GUCY1B1: variants seen among roughly 807,000 people sequenced by gnomAD.
The protein encoded by GUCY1B1 is guanylate cyclase 1 soluble subunit beta 1.
Under a neutral mutation model 71.0 loss-of-function variants are expected in GUCY1B1, and 43 were observed. That is an observed-to-expected ratio of 0.61 (90% CI 0.47 to 0.78). GUCY1B1 has a LOEUF of 0.78. GUCY1B1 is among the 30% of genes least tolerant of loss of function. GUCY1B1 has a pLI of 0.00. For synonymous variants in GUCY1B1, 266 were observed against 259.7 expected (o/e 1.02, Z -0.23); for missense variants, 535 against 754.1 (o/e 0.71, Z 3.40).
intron 2 of GUCY1B1, among the ~76,000 whole-genome samples, chr4:155,769,603 C>T (rs1172118157): frequency 6.6e-6 from 1 of 152,034 alleles, no homozygotes; most frequent in Non-Finnish European, 1.5e-5. Flanking sequence ...GACTGTAATA[C>T]AAACTAGGAG....
At chr4:155,793,829 C>A in intron 5 of GUCY1B1, 27 bp from the exon 6 acceptor site, 1 of 969,248 alleles carries the variant, frequency 1.0e-6, no homozygotes. Flanking sequence ...GAAGACAATT[C>A]ATGCCATTTC....
intron 2 of GUCY1B1, among the ~76,000 whole-genome samples, chr4:155,769,527 A>G (rs1737558082): frequency 6.6e-6 from 1 of 152,182 alleles, no homozygotes; most frequent in Non-Finnish European, 1.5e-5. Flanking sequence ...AAATAGTGAA[A>G]GACTATGTTC....
chr4:155,802,435 C>A lies in GUCY1B1; in HGVS notation c.1269C>A (p.Leu423=). 1 of 1,613,836 alleles carries A rather than the reference C, an allele frequency of 6.2e-7. No homozygotes were observed. The highest frequency in any genetic ancestry group is 8.5e-7 in the Non-Finnish European group (1 of 1,179,784). The change falls in exon 10 of 14, where the codon CTC becomes CTA. Residue 423 remains leucine (L), a synonymous_variant. Transcript: ENST00000264424. The surrounding 1 kb of genome is among the most constrained non-coding windows in gnomAD (Gnocchi z 4.3). ...PAKRYDNVTI[L]FSGIVGFNAF... ...AAAGATATGACAATGTGACCATCCT[C>A]TTTAGTGGCATTGTGGGCTTCAATG...
chr4:155,780,353 A>G (rs1738330826), intron 4 of GUCY1B1, among the ~76,000 whole-genome samples: 1 of 152,230 alleles, frequency 6.6e-6, no homozygotes, highest in East Asian at 1.9e-4. Flanking sequence ...GATAAATTCT[A>G]TTAATTCTGC....
intron 3 of GUCY1B1, 42 bp from the exon 4 acceptor site, chr4:155,777,482 C>G: frequency 1.0e-6 from 1 of 956,468 alleles, no homozygotes; most frequent in Non-Finnish European, 1.7e-6. Flanking sequence ...CAATATTTCA[C>G]CTATTATATG....
chr4:155,765,041 A>T (rs1320123061), intron 2 of GUCY1B1, among the ~76,000 whole-genome samples: 1 of 152,108 alleles, frequency 6.6e-6, no homozygotes, highest in Admixed American at 6.5e-5. Context: ...TTAAAAAAAA[A>T]ATCAGAGGAG....
At chr4:155,772,669 C>G (rs1737776044) in intron 2 of GUCY1B1, 2 of 701,884 alleles carry the variant, frequency 2.8e-6, no homozygotes, top group Non-Finnish European at 5.2e-6. Context: ...ATCCTCCCAC[C>G]TGGGCTTCCC....
rs1303601659 is a variant in GUCY1B1 at position 155,800,010 on chromosome 4, A to G, written c.1111A>G (p.Ile371Val). The change falls in exon 9 of 14, where the codon ATC becomes GTC. Residue 371 changes from isoleucine to valine, a missense_variant. Physicochemically the swap from Ile to Val is conservative, Grantham distance 29 (BLOSUM62 3). Coordinates refer to ENST00000264424, the MANE Select transcript of GUCY1B1 (RefSeq NM_000857.5). ...EEYKLTQELE[I>V]LTDRLQLTLR... is the part of the protein sequence containing the mutation. ...ATACAAACTCACCCAAGAACTGGAA[A>G]TCCTCACTGACAGGCTACAGCTCAC... The G allele has an allele frequency of 1.9e-6, 3 of 1,613,644 alleles. No homozygotes were observed. Among genetic ancestry groups the G allele is most frequent in the Non-Finnish European group, 1.7e-6 (2 of 1,179,728 alleles).
chr4:155,784,827 T>C (rs1389406363), intron 4 of GUCY1B1, among the ~76,000 whole-genome samples: 2 of 152,188 alleles, frequency 1.3e-5, no homozygotes, highest in Non-Finnish European at 2.9e-5. Context: ...TCTGGGGACT[T>C]TGCCCCTGTA....
At chr4:155,774,927 T>A (rs918675053) in intron 2 of GUCY1B1, 41 bp from the exon 3 acceptor site, 2 of 1,041,662 alleles carry the variant, frequency 1.9e-6, no homozygotes, top group Non-Finnish European at 3.0e-6. Context: ...TTTTTTTAAC[T>A]TCAACTTTTC....
chr4:155,796,232 C>T, intron 7 of GUCY1B1, 145 bp from the exon 8 acceptor site: 2 of 715,032 alleles, frequency 2.8e-6, no homozygotes, highest in Non-Finnish European at 2.3e-6. Flanking sequence ...ACAGGCAGAA[C>T]TCTGACAGAA....
chr4:155,766,650 T>G (rs1195077310), intron 2 of GUCY1B1, among the ~76,000 whole-genome samples: 1 of 152,182 alleles, frequency 6.6e-6, no homozygotes, highest in Non-Finnish European at 1.5e-5. Flanking sequence ...TGTTTTCTCA[T>G]GTCATGTGGA....
At chr4:155,785,830 G>T (rs1738724537) in intron 4 of GUCY1B1, among the ~76,000 whole-genome samples, 1 of 152,048 alleles carries the variant, frequency 6.6e-6, no homozygotes, top group South Asian at 2.1e-4. Flanking sequence ...TACATTAAGT[G>T]GTGTTCAATC....
At chr4:155,789,113 T>C (rs896885047) in intron 4 of GUCY1B1, among the ~76,000 whole-genome samples, 3 of 152,236 alleles carry the variant, frequency 2.0e-5, no homozygotes, top group Non-Finnish European at 4.4e-5. Context: ...ACAGATTAGC[T>C]ATGAAACTCC....
intron 3 of GUCY1B1, 23 bp from the exon 4 acceptor site, chr4:155,777,501 C>A: frequency 8.6e-7 from 1 of 1,168,844 alleles, no homozygotes; most frequent in South Asian, 1.2e-5. Context: ...TGCTTTTTTT[C>A]CCCTCTTGAA....
intron 4 of GUCY1B1, among the ~76,000 whole-genome samples, chr4:155,787,764 T>G (rs1011759640): frequency 1.3e-5 from 2 of 152,198 alleles, no homozygotes; most frequent in African/African-American, 4.8e-5. Flanking sequence ...GCTGTAAGTG[T>G]CCTGTTAGAG....
chr4:155,769,625 G>T lies in GUCY1B1; in HGVS notation c.78-5343G>T, dbSNP rs548135989. ...ATACAAACTAGGAGGCATGAAGATT[G>T]TAGTGCTGTTGGTTATTATTTGATA... On this transcript the variant is annotated intron_variant, in intron 2 of 13. Transcript: ENST00000264424. Among the ~76,000 whole-genome samples, 6 of 152,218 alleles carry T rather than the reference G, an allele frequency of 3.9e-5. No individual in the cohort carries two copies. In the South Asian group the frequency reaches 1.2e-3, roughly 32 times the overall value.
intron 2 of GUCY1B1, among the ~76,000 whole-genome samples, chr4:155,769,369 A>G (rs1433665261): frequency 2.0e-5 from 3 of 152,172 alleles, no homozygotes; most frequent in East Asian, 1.9e-4. Flanking sequence ...TTGTTAGCCA[A>G]TGAAAGTGCT....
At chr4:155,803,923 T>C (rs1414098345) in intron 11 of GUCY1B1, among the ~76,000 whole-genome samples, 159 bp downstream of exon 11, 1 of 152,228 alleles carries the variant, frequency 6.6e-6, no homozygotes, top group African/African-American at 2.4e-5. Context: ...CATTCTTTCA[T>C]AGACATGGAG....
Sources: allele counts gnomAD v4.1 joint callset (sites outside exome capture counted in the v4.1 genomes callset), GRCh38; gene constraint gnomAD v4.1.1; non-coding constraint Gnocchi (gnomAD v3.1); transcripts MANE v1.5; gene names NCBI Gene and HGNC (gene_info 2026-07-23, HGNC 2026-07-21).